Variants in POU2F2 observed in about 807,000 individuals in gnomAD.
POU2F2 encodes the protein POU domain, class 2, transcription factor 2.
In POU2F2, 14 loss-of-function variants were observed where a neutral mutation model predicts 63.5. The observed-to-expected ratio is 0.22, with a 90% CI of 0.15 to 0.34. The LOEUF is 0.34. POU2F2 is among the 10% of genes least tolerant of loss of function. The probability of loss-of-function intolerance (pLI) is 1.00; values close to 1 mark genes in which losing one functional copy is unlikely to be tolerated. For synonymous variants in POU2F2, 306 were observed against 348.6 expected (o/e 0.88, Z 1.36); for missense variants, 607 against 815.2 (o/e 0.74, Z 3.11).
At chr19:42,148,590 G>C (rs1043272846) in intron 2 of POU2F2, among the ~76,000 whole-genome samples, 1 of 152,034 alleles carries the variant, frequency 6.6e-6, no homozygotes, top group Admixed American at 6.5e-5. Context: ...AGAGAGGCTT[G>C]GAAAGGACAC....
chr19:42,187,024 G>A (rs1293394352), intron 1 of POU2F2, among the ~76,000 whole-genome samples: 1 of 152,172 alleles, frequency 6.6e-6, no homozygotes, highest in Non-Finnish European at 1.5e-5. Flanking sequence ...GTGTCATAGA[G>A]AGAGGTCTCT....
chr19:42,181,879 C>G (rs1237824416), intron 1 of POU2F2, among the ~76,000 whole-genome samples: 3 of 152,206 alleles, frequency 2.0e-5, no homozygotes, highest in African/African-American at 4.8e-5. Context: ...AGCCAACACT[C>G]CCGGCCTTGA....
At chr19:42,094,312 A>T (rs1406109993) in intron 11 of POU2F2, among the ~76,000 whole-genome samples, 4 of 152,216 alleles carry the variant, frequency 2.6e-5, no homozygotes, top group Non-Finnish European at 5.9e-5. Context: ...GTTCAAAGTG[A>T]CCCAGGCAGG....
intron 2 of POU2F2, among the ~76,000 whole-genome samples, chr19:42,142,620 C>T (rs986331754): frequency 6.6e-6 from 1 of 151,990 alleles, no homozygotes; most frequent in Non-Finnish European, 1.5e-5. Flanking sequence ...GGCTGGAGTA[C>T]AGTGGTGCAA....
chr19:42,110,607 T>TTA (rs2030931172), intron 5 of POU2F2: 1 of 346,434 alleles, frequency 2.9e-6, no homozygotes, highest in African/African-American at 2.1e-5. Flanking sequence ...CCTCCTTAAC[T>TTA]GTACAGGATC....
At chr19:42,134,909 C>T (rs1203127238), upstream of POU2F2, among the ~76,000 whole-genome samples, 1 of 151,992 alleles carries the variant, frequency 6.6e-6, no homozygotes, top group Non-Finnish European at 1.5e-5. Context: ...ATTATTAGAG[C>T]GAGGTCCCCC....
Position 42,189,666 on chromosome 19 carries a change from G to C in POU2F2, c.-70+6717C>G, listed in dbSNP as rs574298066. ...TTTGGGATGAGATGAGGAGGACAAT[G>C]AAGGACAAGCACGAGGGGAGCATAG... On this transcript the variant is annotated intron_variant, in intron 1 of 5. Coordinates refer to the POU2F2 transcript ENST00000532176. 5.9e-5 allele frequency among the ~76,000 whole-genome samples: 9 copies of C among 152,284 alleles called. No homozygotes were observed. The South Asian group carries it at 1.2e-3, about 21-fold the overall frequency.
intron 5 of POU2F2, among the ~76,000 whole-genome samples, chr19:42,105,996 CTTTTTTCT>C (rs771781414): frequency 6.0e-5 from 8 of 134,150 alleles, no homozygotes; most frequent in Middle Eastern, 3.8e-3. Flanking sequence ...TAGGATCTTT[CTTTTTTCT>C]TTCTTTCTTT....
In POU2F2 at chr19:42,086,878, C is replaced by G. The variant is rs996907622; in HGVS notation, c.*4379G>C. 6.6e-6 allele frequency: 1 copy of G among 152,182 alleles called. No individual in the cohort carries two copies. Among genetic ancestry groups the G allele is most frequent in the African/African-American group, 2.4e-5 (1 of 41,436 alleles). 9.4% of individuals were successfully genotyped at this position (152,182 alleles called of 1,614,324 possible). On this transcript the variant is annotated 3_prime_UTR_variant, in exon 15 of 15. Transcript: ENST00000692977. ...AATAGTTGTCTCCATCCCAGCAACA[C>G]TTCTCTCTGGATTTTTCTCTCCTTT...
intron 1 of POU2F2, among the ~76,000 whole-genome samples, chr19:42,128,032 T>C (rs2033362895): frequency 6.6e-6 from 1 of 152,136 alleles, no homozygotes; most frequent in African/African-American, 2.4e-5. Flanking sequence ...TCACCTCCTC[T>C]GTGAAGTACT....
At chr19:42,145,189 G>A (rs1026013781) in intron 2 of POU2F2, among the ~76,000 whole-genome samples, 4 of 152,162 alleles carry the variant, frequency 2.6e-5, no homozygotes, top group Non-Finnish European at 4.4e-5. Context: ...ATCAGTTAAC[G>A]TGGCATTTTA....
intron 2 of POU2F2, among the ~76,000 whole-genome samples, chr19:42,139,720 A>G (rs2034089787): frequency 6.6e-6 from 1 of 152,174 alleles, no homozygotes; most frequent in Non-Finnish European, 1.5e-5. Flanking sequence ...AATTACAGGC[A>G]TGAGCCACTG....
intron 1 of POU2F2, among the ~76,000 whole-genome samples, chr19:42,128,066 G>A (rs937069724): frequency 3.9e-5 from 6 of 152,064 alleles, no homozygotes; most frequent in African/African-American, 1.2e-4. Flanking sequence ...GATGGTCAGT[G>A]TCTCTCTCTT....
chr19:42,116,862 A>G (rs764845132), intron 5 of POU2F2: 3 of 432,842 alleles, frequency 6.9e-6, no homozygotes, highest in South Asian at 3.3e-5. Flanking sequence ...AGGAGGAAGT[A>G]GAGGAGGAGG....
At chr19:42,183,979 T>C (rs569785897) in intron 1 of POU2F2, among the ~76,000 whole-genome samples, 1 of 148,940 alleles carries the variant, frequency 6.7e-6, no homozygotes, top group Non-Finnish European at 1.5e-5. Context: ...AAGGAAACTA[T>C]GAGACACGAC....
At chr19:42,167,499 G>A (rs2034677129) in intron 1 of POU2F2, among the ~76,000 whole-genome samples, 3 of 151,882 alleles carry the variant, frequency 2.0e-5, no homozygotes, top group African/African-American at 7.3e-5. Context: ...AAACATAAAG[G>A]AAAAGCCTAT....
chr19:42,187,537 A>G (rs2035026169), intron 1 of POU2F2, among the ~76,000 whole-genome samples: 1 of 151,114 alleles, frequency 6.6e-6, no homozygotes, highest in South Asian at 2.1e-4. Context: ...CAAGGCAGGC[A>G]GATCACCTGA....
intron 1 of POU2F2, among the ~76,000 whole-genome samples, chr19:42,195,385 T>G (rs1271712643): frequency 1.4e-5 from 2 of 142,912 alleles, no homozygotes; most frequent in Non-Finnish European, 3.0e-5. Context: ...CAGGCTGGAG[T>G]GCAGTGGCGC....
chr19:42,194,850 A>G (rs1599738083), intron 1 of POU2F2, among the ~76,000 whole-genome samples: 1 of 111,260 alleles, frequency 9.0e-6, no homozygotes, highest in African/African-American at 3.5e-5. Context: ...GGAGGAAGGG[A>G]GGGAGGGAAG....
Sources: gnomAD v4.1 joint callset for allele counts (sites outside exome capture counted in the v4.1 genomes callset) on GRCh38, gnomAD v4.1.1 for gene constraint, MANE v1.5 for transcripts, NCBI Gene and HGNC (gene_info 2026-07-23, HGNC 2026-07-21) for gene names.